The following MAPK4 variants were observed in gnomAD, a reference collection of about 807,000 sequenced individuals.
MAPK4 encodes the protein Erk3-related.
A neutral mutation model predicts 47.7 loss-of-function variants in MAPK4; 22 were observed. The observed-to-expected ratio is 0.46, with a 90% CI of 0.33 to 0.66. The LOEUF is 0.66. MAPK4 is among the 30% of genes least tolerant of loss of function. The probability of loss-of-function intolerance (pLI) is 0.02; values close to 1 mark genes in which losing one functional copy is unlikely to be tolerated. For synonymous variants in MAPK4, 390 were observed against 365.7 expected (o/e 1.07, Z -0.76); for missense variants, 736 against 831.7 (o/e 0.88, Z 1.42).
intron 2 of MAPK4, among the ~76,000 whole-genome samples, chr18:50,697,418 A>T (rs894766): frequency 6.6e-6 from 1 of 151,858 alleles, no homozygotes; most frequent in Non-Finnish European, 1.5e-5. Context: ...GATATTTGCT[A>T]CATTAATAAT....
chr18:50,622,648 G>A (rs1195944912), intron 1 of MAPK4, among the ~76,000 whole-genome samples: 2 of 152,224 alleles, frequency 1.3e-5, no homozygotes, highest in African/African-American at 4.8e-5. Flanking sequence ...CACATGGGCT[G>A]AGAACACCTC....
chr18:50,625,026 T>C (rs2042764423), intron 1 of MAPK4, among the ~76,000 whole-genome samples: 1 of 152,126 alleles, frequency 6.6e-6, no homozygotes, highest in Non-Finnish European at 1.5e-5. Context: ...TCTAATTCAC[T>C]CTCTGGGGTA....
intron 2 of MAPK4, among the ~76,000 whole-genome samples, chr18:50,673,338 G>A (rs1266354669): frequency 6.6e-6 from 1 of 152,188 alleles, no homozygotes; most frequent in African/African-American, 2.4e-5. Flanking sequence ...AGCCCAGCCT[G>A]CTCACTCACC....
intron 1 of MAPK4, among the ~76,000 whole-genome samples, chr18:50,618,370 T>A (rs2042703040): frequency 6.6e-6 from 1 of 152,214 alleles, no homozygotes; most frequent in African/African-American, 2.4e-5. Context: ...CTTGTAAAGC[T>A]CTACTTGATA....
rs181890106 is a variant in MAPK4 at position 50,615,019 on chromosome 18, C to T, written c.-870-48070C>T. On this transcript the variant is annotated intron_variant, in intron 1 of 5. Coordinates refer to ENST00000400384, the MANE Select transcript of MAPK4 (RefSeq NM_002747.4). ...TGTCACAATCCCCAATCTTTCACAA[C>T]ATTTGGACACAGTAGCCTTTTGTTT... is the stretch of plus-strand genomic sequence containing the variant. 1.9e-3 allele frequency among the ~76,000 whole-genome samples: 294 copies of T among 152,302 alleles called. 3 individuals carry two copies. The highest frequency in any genetic ancestry group is 6.4e-3 in the African/African-American group (267 of 41,558).
chr18:50,667,034 T>C (rs747299215), intron 2 of MAPK4, among the ~76,000 whole-genome samples: 1 of 152,254 alleles, frequency 6.6e-6, no homozygotes, highest in Non-Finnish European at 1.5e-5. Context: ...CTTCCTCTCC[T>C]GATGGAGGGT....
intron 1 of MAPK4, among the ~76,000 whole-genome samples, chr18:50,579,213 C>T (rs2042322812): frequency 6.6e-6 from 1 of 152,076 alleles, no homozygotes; most frequent in African/African-American, 2.4e-5. Context: ...GTGCAGGAGA[C>T]ACAAGAGACT....
intron 1 of MAPK4, among the ~76,000 whole-genome samples, chr18:50,574,721 A>G (rs558344593): frequency 5.9e-5 from 9 of 152,374 alleles, no homozygotes; most frequent in African/African-American, 2.2e-4. Context: ...GTTTTAATGA[A>G]TGATTTTGTA....
intron 2 of MAPK4, among the ~76,000 whole-genome samples, chr18:50,675,979 G>A (rs749439271): frequency 5.3e-5 from 8 of 152,208 alleles, no homozygotes; most frequent in Non-Finnish European, 8.8e-5. Context: ...GCATCAGTGG[G>A]GATGCGACAT....
At chr18:50,670,511 C>A (rs147834443) in intron 2 of MAPK4, among the ~76,000 whole-genome samples, 1 of 152,156 alleles carries the variant, frequency 6.6e-6, no homozygotes, top group Non-Finnish European at 1.5e-5. Flanking sequence ...AATCCCAGCA[C>A]TCTGGGAAGC....
chr18:50,728,700 AGCTGGGAGCT>A (rs1335383458), intron 5 of MAPK4, among the ~76,000 whole-genome samples: 3 of 152,238 alleles, frequency 2.0e-5, no homozygotes, highest in Non-Finnish European at 4.4e-5. Context: ...GCATCAGAGC[AGCTGGGAGCT>A]TGTTAGAATC....
At chr18:50,615,287 G>A (rs1561261) in intron 1 of MAPK4, among the ~76,000 whole-genome samples, 51,388 of 151,968 alleles carry the variant, frequency 0.34, 8,974 homozygotes, top group Non-Finnish European at 0.37. Context: ...CTGCAGCCCC[G>A]AATATTAGTT....
chr18:50,714,943 A>G lies in MAPK4; in HGVS notation c.547-136A>G, dbSNP rs1910561572. ...ACGTCTGTTCACTCATGCTCCTTCA[A>G]GATCAATGGGAAAGGGGCAAGAATG... On this transcript the variant is annotated intron_variant, in intron 2 of 5. Transcript: ENST00000400384. 11 of 855,964 alleles carry G rather than the reference A, an allele frequency of 1.3e-5. No homozygotes were observed. In the East Asian group the frequency reaches 2.8e-4, roughly 22 times the overall value. The allele number at this position is 855,964 out of a possible 1,614,324, so 53.0% of individuals were successfully genotyped here.
At chr18:50,586,462 CTG>C (rs907864150) in intron 1 of MAPK4, among the ~76,000 whole-genome samples, 1 of 151,780 alleles carries the variant, frequency 6.6e-6, no homozygotes, top group African/African-American at 2.4e-5. Context: ...GTGCTGAAAA[CTG>C]TTAGATGTAG....
At chr18:50,615,662 C>T (rs753648804) in intron 1 of MAPK4, among the ~76,000 whole-genome samples, 7 of 152,256 alleles carry the variant, frequency 4.6e-5, no homozygotes, top group African/African-American at 1.2e-4. Context: ...AAGAGGAGAA[C>T]GCCATTTGGG....
chr18:50,671,629 T>C (rs1907954635), intron 2 of MAPK4, among the ~76,000 whole-genome samples: 1 of 142,534 alleles, frequency 7.0e-6, no homozygotes. Flanking sequence ...CAGTGGCTCA[T>C]GCCTACAGTC....
chr18:50,684,748 C>T (rs1370960611), intron 2 of MAPK4, among the ~76,000 whole-genome samples: 1 of 152,054 alleles, frequency 6.6e-6, no homozygotes, highest in Non-Finnish European at 1.5e-5. Context: ...CCGAGGAAGA[C>T]AGGTGAAGGC....
chr18:50,660,531 T>C (rs2043159015), intron 1 of MAPK4, among the ~76,000 whole-genome samples: 1 of 152,218 alleles, frequency 6.6e-6, no homozygotes, highest in Non-Finnish European at 1.5e-5. Context: ...TGTAAGCTAC[T>C]TGTGAAGCTT....
intron 1 of MAPK4, among the ~76,000 whole-genome samples, chr18:50,623,780 C>A (rs1025451657): frequency 2.0e-5 from 3 of 152,242 alleles, no homozygotes; most frequent in Non-Finnish European, 4.4e-5. Context: ...AAAGTCAAAA[C>A]CTCTTACCGT....
Sources: gnomAD v4.1 joint callset for allele counts (sites outside exome capture counted in the v4.1 genomes callset) on GRCh38, gnomAD v4.1.1 for gene constraint, MANE v1.5 for transcripts, NCBI Gene and HGNC (gene_info 2026-07-23, HGNC 2026-07-21) for gene names.